Variants in ZNF711 observed in about 807,000 individuals in gnomAD.
ZNF711 encodes zinc finger protein 711.
Under a neutral mutation model 43.5 loss-of-function variants are expected in ZNF711, and 3 were observed. The observed-to-expected ratio is 0.07, with a 90% CI of 0.03 to 0.18. The LOEUF (loss-of-function observed/expected upper bound fraction) is 0.18. Among genes scored for constraint, ZNF711 ranks in the 10% least tolerant of loss-of-function variants. ZNF711 has a pLI of 1.00. For missense variants in ZNF711, 412 were observed against 604.0 expected (o/e 0.68, Z 3.33); for synonymous variants, 209 against 207.7 (o/e 1.01, Z -0.06).
rs1414779618 is a variant in ZNF711, at chrX:85,270,791, A to T, written c.1387A>T (p.Thr463Ser). ...DHLMRKKYQC[T>S]DCDFTTNKKV... ...TTTAATGAGAAAAAAATATCAGTGT[A>T]CAGATTGTGACTTTACAACTAACAA... is the stretch of plus-strand genomic sequence containing the variant. The change falls in exon 11 of 11, where the codon ACA (threonine) becomes TCA (serine). Residue 463 changes from threonine to serine, a missense_variant. Coordinates refer to ENST00000674551, the MANE Select transcript of ZNF711 (RefSeq NM_001330574.2). 3 of 1,202,024 alleles carry T rather than the reference A, an allele frequency of 2.5e-6. No homozygotes were observed. In the African/African-American group the frequency reaches 5.3e-5, roughly 21 times the overall value.
chrX:85,262,179 T>A (rs975196439), intron 5 of ZNF711, among the ~76,000 whole-genome samples: 3 of 110,782 alleles, frequency 2.7e-5, no homozygotes. Flanking sequence ...AAGGTAGAAA[T>A]GGAATCAGAG....
At chrX:85,268,759 C>T (rs1393451313) in intron 9 of ZNF711, among the ~76,000 whole-genome samples, 2 of 111,152 alleles carry the variant, frequency 1.8e-5, no homozygotes, top group Non-Finnish European at 1.9e-5. Flanking sequence ...TTATATAAAA[C>T]CCATGTGTCA....
Position 85,255,837 on chromosome X carries a change from A to G in ZNF711, c.622+36A>G, listed in dbSNP as rs780357609. On this transcript the variant is annotated intron_variant, in intron 5 of 10. Transcript: ENST00000674551. ...CATAAAGCCCATAATTACTCAGGAG[A>G]TTGATTTATATAATCTGGAAAAGTT... 12 of 1,180,925 alleles carry G rather than the reference A, an allele frequency of 1.0e-5. No homozygotes were observed. The South Asian group carries it at 2.2e-4, about 22-fold the overall frequency.
At chrX:85,250,687 T>C (rs774721637) in intron 4 of ZNF711, among the ~76,000 whole-genome samples, 50 of 111,737 alleles carry the variant, frequency 4.5e-4, no homozygotes, top group African/African-American at 1.6e-3. Flanking sequence ...GTGAGACTGT[T>C]TTTCTGAATT....
chrX:85,260,613 C>T (rs868601241), intron 5 of ZNF711, among the ~76,000 whole-genome samples: 16 of 108,575 alleles, frequency 1.5e-4, no homozygotes, highest in South Asian at 8.1e-4. Context: ...TAGCCCCCCC[C>T]CCATCCACTC....
chrX:85,260,968 C>A (rs750079119), intron 5 of ZNF711, among the ~76,000 whole-genome samples: 5 of 110,999 alleles, frequency 4.5e-5, no homozygotes, highest in Non-Finnish European at 9.5e-5. Context: ...TGTATTCTTA[C>A]AATAAAGTAA....
chrX:85,251,667 A>G (rs747891452), intron 4 of ZNF711, among the ~76,000 whole-genome samples: 16 of 111,507 alleles, frequency 1.4e-4, no homozygotes, highest in Non-Finnish European at 2.6e-4. Context: ...ATGAATTATT[A>G]ACGCAATTTA....
Position 85,271,261 on chromosome X carries a change from T to C in ZNF711, c.1857T>C (p.Asp619=), listed in dbSNP as rs1283733541. ...AGCATTGTCCCCAAGCATTTGGTGA[T>C]GAGAGGGAGCTTCAACGCCATCTGG... ...KCEHCPQAFG[D]ERELQRHLDL... The change falls in exon 11 of 11, where the codon GAT becomes GAC. Residue 619 remains aspartate, a synonymous_variant. Coordinates refer to ENST00000674551, the MANE Select transcript of ZNF711 (RefSeq NM_001330574.2). The C allele has an allele frequency of 8.3e-7, 1 of 1,210,190 alleles. No individual in the cohort carries two copies. Among genetic ancestry groups the C allele is most frequent in the South Asian group, 1.8e-5 (1 of 56,794 alleles).
chrX:85,253,309 A>G (rs1407201742), intron 4 of ZNF711, among the ~76,000 whole-genome samples: 1 of 112,321 alleles, frequency 8.9e-6, no homozygotes, highest in Admixed American at 9.4e-5. Flanking sequence ...TTTTGGATAC[A>G]GTAATTATTA....
Position 85,271,244 on chromosome X carries a change from C to A in ZNF711, c.1840C>A (p.Pro614Thr), listed in dbSNP as rs1931547399. 1.7e-6 allele frequency: 2 copies of A among 1,207,704 alleles called. No individual in the cohort carries two copies. Among genetic ancestry groups the A allele is most frequent in the African/African-American group, 3.5e-5 (2 of 56,966 alleles). ...TTTGCCATATAAATGTGAGCATTGT[C>A]CCCAAGCATTTGGTGATGAGAGGGA... is the stretch of plus-strand genomic sequence containing the variant. ...NNLPYKCEHC[P>T]QAFGDERELQ... is the part of the protein sequence containing the mutation. Residue 614 changes from proline (P) to threonine (T), a missense_variant, in exon 11 of 11, where the codon CCC becomes ACC. This residue lies in a region of ZNF711 where 375 missense variants were observed against 514.2 expected (regional missense o/e 0.73). Coordinates refer to ENST00000674551, the MANE Select transcript of ZNF711 (RefSeq NM_001330574.2).
chrX:85,255,431 A>C lies in ZNF711; in HGVS notation c.252A>C (p.Thr84=). The C allele has an allele frequency of 2.5e-6, 3 of 1,211,883 alleles. No homozygotes were observed. Among genetic ancestry groups the C allele is most frequent in the Non-Finnish European group, 3.3e-6 (3 of 895,598 alleles). ...TCATCACAGAGACTGATGTAGTAAC[A>C]GAAGGTGTGATTGTTCCTGAAGCGG... The part of the protein sequence containing the change: ...PDIITETDVV[T]EGVIVPEAVL... Residue 84 remains threonine (T), a synonymous_variant, in exon 5 of 11, where the codon ACA becomes ACC. Transcript: ENST00000674551.
At chrX:85,245,508 T>A (rs1336058824) in intron 1 of ZNF711, among the ~76,000 whole-genome samples, 1 of 112,875 alleles carries the variant, frequency 8.9e-6, no homozygotes, top group Non-Finnish European at 1.9e-5. Context: ...AGTGTAATAC[T>A]TTTATAATAG....
chrX:85,254,658 C>G (rs1214796758), intron 4 of ZNF711, among the ~76,000 whole-genome samples: 10 of 67,544 alleles, frequency 1.5e-4, no homozygotes, highest in Non-Finnish European at 2.5e-4. Flanking sequence ...AAAAATTAGC[C>G]GGGCGCAGTG....
intron 5 of ZNF711, among the ~76,000 whole-genome samples, chrX:85,261,352 A>T (rs1324144644): frequency 9.0e-6 from 1 of 111,503 alleles, no homozygotes; most frequent in Non-Finnish European, 1.9e-5. Context: ...ACATTTATGT[A>T]CAAGTTTTTA....
rs182967094 is a variant in ZNF711 at position 85,253,321 on chromosome X, A to G, written c.80-1938A>G. Reference sequence around the variant, plus strand: ...CAATTTTGGATACAGTAATTATTATAAGTTAAAGAAGTTCAGACACTTTCA... The same window carrying G: ...CAATTTTGGATACAGTAATTATTATGAGTTAAAGAAGTTCAGACACTTTCA... On this transcript the variant is annotated intron_variant, in intron 4 of 10. Coordinates refer to ENST00000674551, the MANE Select transcript of ZNF711 (RefSeq NM_001330574.2). Among the ~76,000 whole-genome samples, 361 of 112,392 alleles carry G rather than the reference A, an allele frequency of 3.2e-3. 1 individual carries two copies. The highest frequency in any genetic ancestry group is 5.9e-3 in the Non-Finnish European group (314 of 53,240).
chrX:85,253,388 CACTT>C (rs1364098988), intron 4 of ZNF711, among the ~76,000 whole-genome samples: 1 of 111,571 alleles, frequency 9.0e-6, no homozygotes, highest in Admixed American at 9.5e-5. Flanking sequence ...TTTATTAACT[CACTT>C]AACATATTAG....
intron 4 of ZNF711, among the ~76,000 whole-genome samples, chrX:85,253,796 C>CACACACACAG (rs1569260662): frequency 9.1e-6 from 1 of 109,828 alleles, no homozygotes; most frequent in African/African-American, 3.4e-5. Context: ...CACACACACA[C>CACACACACAG]ACACAGACAC....
intron 10 of ZNF711, 87 bp from the exon 11 acceptor site, chrX:85,270,564 G>T: frequency 1.3e-6 from 1 of 786,363 alleles, no homozygotes; most frequent in South Asian, 2.3e-5. Flanking sequence ...TTCACATAGT[G>T]AATGCCAACT....
intron 4 of ZNF711, among the ~76,000 whole-genome samples, chrX:85,251,812 G>C (rs1387501712): frequency 1.8e-5 from 2 of 110,054 alleles, no homozygotes; most frequent in African/African-American, 6.6e-5. Flanking sequence ...ACAGTATCTA[G>C]GGTAAATATA....
Sources: allele counts gnomAD v4.1 joint callset (sites outside exome capture counted in the v4.1 genomes callset), GRCh38; gene constraint gnomAD v4.1.1; regional missense constraint gnomAD v4.1.1; transcripts MANE v1.5; gene names NCBI Gene and HGNC (gene_info 2026-07-23, HGNC 2026-07-21).